The following FNIP2 variants were observed in gnomAD, a reference collection of about 807,000 sequenced individuals.
The protein encoded by FNIP2 is folliculin-interacting protein 2.
FNIP2 carries 32 observed loss-of-function variants against 108.7 expected under a neutral mutation model. That is an observed-to-expected ratio of 0.29 (90% CI 0.22 to 0.40). The LOEUF (loss-of-function observed/expected upper bound fraction) is 0.40. Among genes scored for constraint, FNIP2 ranks in the 10% least tolerant of loss-of-function variants. The probability of loss-of-function intolerance (pLI) is 1.00; values close to 1 mark genes in which losing one functional copy is unlikely to be tolerated. For missense variants in FNIP2, 1,202 were observed against 1,381.6 expected (o/e 0.87, Z 2.06); for synonymous variants, 480 against 496.7 (o/e 0.97, Z 0.45).
rs977345021 is a variant in FNIP2 at position 158,907,437 on chromosome 4, A to G, written c.*2893A>G. 1.3e-5 allele frequency: 2 copies of G among 152,130 alleles called. No homozygotes were observed. Among genetic ancestry groups the G allele is most frequent in the African/African-American group, 4.8e-5 (2 of 41,428 alleles). The allele number at this position is 152,130 out of a possible 1,614,324, so 9.4% of individuals were successfully genotyped here. On this transcript the variant is annotated 3_prime_UTR_variant, in exon 17 of 17. Transcript: ENST00000264433. ...TTTCAAAATTAACGTTTTTGGAGGG[A>G]GAAAAATCCCCGCTTGCTAAATGAT...
chr4:158,901,128 ATTTTTTTT>A (rs140017298), intron 16 of FNIP2, among the ~76,000 whole-genome samples: 8 of 112,302 alleles, frequency 7.1e-5, no homozygotes, highest in Non-Finnish European at 1.4e-4. Context: ...CTGGGTTGAA[ATTTTTTTT>A]TTTTTTTTTT....
chr4:158,770,831 C>T (rs1297643221), intron 1 of FNIP2, among the ~76,000 whole-genome samples: 3 of 152,182 alleles, frequency 2.0e-5, no homozygotes, highest in African/African-American at 7.2e-5. Flanking sequence ...TTACAGGTGT[C>T]TGTACTTTGA....
chr4:158,798,075 G>C (rs1043818718), intron 1 of FNIP2, among the ~76,000 whole-genome samples: 1 of 151,988 alleles, frequency 6.6e-6, no homozygotes, highest in Admixed American at 6.6e-5. Context: ...TGTTGTTGTT[G>C]TTTTTTAGAG....
At chr4:158,779,559 T>C (rs1311777901) in intron 1 of FNIP2, among the ~76,000 whole-genome samples, 1 of 127,876 alleles carries the variant, frequency 7.8e-6, no homozygotes, top group East Asian at 2.4e-4. Flanking sequence ...TAAATATCCT[T>C]TGTTGGTCGT....
At chr4:158,855,682 G>A (rs915128082) in intron 8 of FNIP2, among the ~76,000 whole-genome samples, 1 of 152,120 alleles carries the variant, frequency 6.6e-6, no homozygotes, top group East Asian at 1.9e-4. Context: ...TCTTGACCTC[G>A]TGATCCTCCC....
intron 14 of FNIP2, among the ~76,000 whole-genome samples, chr4:158,875,547 T>C (rs1409018606): frequency 6.8e-6 from 1 of 147,014 alleles, no homozygotes; most frequent in Non-Finnish European, 1.5e-5. Context: ...TATATGCTCA[T>C]GAATACCTAA....
At chr4:158,776,950 C>T (rs1028813285) in intron 1 of FNIP2, among the ~76,000 whole-genome samples, 2 of 152,068 alleles carry the variant, frequency 1.3e-5, no homozygotes, top group Admixed American at 6.5e-5. Flanking sequence ...AAGAAATTTC[C>T]TCCTTTTTGT....
At chr4:158,820,031 A>G (rs911682041) in intron 1 of FNIP2, among the ~76,000 whole-genome samples, 2 of 152,228 alleles carry the variant, frequency 1.3e-5, no homozygotes, top group Non-Finnish European at 2.9e-5. Context: ...AGTAGTAGGC[A>G]TACAGGAATT....
intron 7 of FNIP2, among the ~76,000 whole-genome samples, chr4:158,846,642 A>G (rs1779419001): frequency 6.6e-6 from 1 of 152,136 alleles, no homozygotes; most frequent in Non-Finnish European, 1.5e-5. Context: ...ACCCCTCTTA[A>G]GGGTAATAGC....
At chr4:158,816,980 T>C (rs1777616150) in intron 1 of FNIP2, among the ~76,000 whole-genome samples, 1 of 152,146 alleles carries the variant, frequency 6.6e-6, no homozygotes, top group Non-Finnish European at 1.5e-5. Flanking sequence ...GGGCCATTTA[T>C]AGAGATTCTA....
intron 3 of FNIP2, 21 bp from the exon 4 acceptor site, chr4:158,831,840 A>G: frequency 6.5e-7 from 1 of 1,547,648 alleles, no homozygotes; most frequent in Non-Finnish European, 8.9e-7. Context: ...ACTAACTTTG[A>G]TTTTGTTTTC....
chr4:158,877,843 G>T (rs540367622), intron 14 of FNIP2, among the ~76,000 whole-genome samples: 1 of 152,296 alleles, frequency 6.6e-6, no homozygotes, highest in African/African-American at 2.4e-5. Context: ...AGGAGGCTGA[G>T]GTGGGAGAAT....
intron 12 of FNIP2, among the ~76,000 whole-genome samples, chr4:158,865,740 C>T (rs142035550): frequency 1.6e-4 from 24 of 152,262 alleles, no homozygotes; most frequent in African/African-American, 5.8e-4. Context: ...AAAGTGTTAA[C>T]AGTAATGAGC....
At chr4:158,781,845 G>A (rs1445867095) in intron 1 of FNIP2, among the ~76,000 whole-genome samples, 2 of 151,958 alleles carry the variant, frequency 1.3e-5, no homozygotes, top group Non-Finnish European at 2.9e-5. Flanking sequence ...ATTCAAACCT[G>A]ACTCTCCCAC....
intron 1 of FNIP2, among the ~76,000 whole-genome samples, chr4:158,788,581 T>G (rs1378973377): frequency 1.3e-5 from 2 of 152,260 alleles, no homozygotes. Context: ...TTATGGCAGC[T>G]TCTGGAGTTG....
At chr4:158,818,902 C>G (rs1777724249) in intron 1 of FNIP2, among the ~76,000 whole-genome samples, 1 of 152,168 alleles carries the variant, frequency 6.6e-6, no homozygotes, top group South Asian at 2.1e-4. Context: ...GTTAGAAGCC[C>G]TGTTTACCCT....
chr4:158,775,807 G>A (rs1775842436), intron 1 of FNIP2, among the ~76,000 whole-genome samples: 1 of 152,126 alleles, frequency 6.6e-6, no homozygotes, highest in African/African-American at 2.4e-5. Flanking sequence ...GTATAGCAGA[G>A]TACTCTTTCT....
intron 1 of FNIP2, among the ~76,000 whole-genome samples, chr4:158,788,383 T>C (rs12509657): frequency 0.9 from 137,297 of 152,282 alleles, 62,398 homozygotes; most frequent in Non-Finnish European, 0.96. Flanking sequence ...GCACTTGGCA[T>C]GTATAGGCAC....
chr4:158,859,693 A>T lies in FNIP2; in HGVS notation c.1148+27A>T, dbSNP rs750485620. On this transcript the variant is annotated intron_variant, in intron 10 of 16. Transcript: ENST00000264433. ...TAAAGTGGCAAAGTTTGGCAAATCCAACAGGAGATGTTTATGAGCAGCCAT... is the reference window on the plus strand; with the variant it reads ...TAAAGTGGCAAAGTTTGGCAAATCCTACAGGAGATGTTTATGAGCAGCCAT... 9.5e-6 allele frequency: 15 copies of T among 1,571,022 alleles called. No individual in the cohort carries two copies. In the Admixed American group the frequency reaches 2.5e-4, roughly 27 times the overall value.
Sources: allele counts gnomAD v4.1 joint callset (sites outside exome capture counted in the v4.1 genomes callset), GRCh38; gene constraint gnomAD v4.1.1; transcripts MANE v1.5; gene names NCBI Gene and HGNC (gene_info 2026-07-23, HGNC 2026-07-21).